The following CDH23 variants were observed in gnomAD, a reference collection of about 807,000 sequenced individuals.
The protein encoded by CDH23 is cadherin-23.
CDH23 carries 189 observed loss-of-function variants against 317.1 expected under a neutral mutation model. The ratio of observed to expected loss-of-function variants is 0.60; its 90% CI spans 0.53 to 0.67. The LOEUF is 0.67. Ranked by LOEUF, CDH23 falls within the 30% of genes least tolerant of loss-of-function variation. The pLI is 0.00. For synonymous variants in CDH23, 1,839 were observed against 1,876.8 expected, an observed-to-expected ratio of 0.98 and a Z score of 0.52; for missense variants, 4,401 against 4,592.4, an observed-to-expected ratio of 0.96 and a Z score of 1.20.
At chr10:71,516,778 G>C (rs1854355445) in intron 6 of CDH23, among the ~76,000 whole-genome samples, 1 of 152,184 alleles carries the variant, frequency 6.6e-6, no homozygotes, top group African/African-American at 2.4e-5. Flanking sequence ...GGCAGGCCTG[G>C]GGTGGCACGA....
intron 69 of CDH23, 25 bp from the exon 70 acceptor site, chr10:71,814,927 A>G (rs761202858): frequency 6.3e-7 from 1 of 1,588,920 alleles, no homozygotes; most frequent in Admixed American, 1.7e-5. Flanking sequence ...GGCCCTGAGC[A>G]TGTGGGGGTC....
At chr10:71,617,611 C>A in intron 11 of CDH23, 1 of 1,208,218 alleles carries the variant, frequency 8.3e-7, no homozygotes, top group Non-Finnish European at 1.1e-6. Flanking sequence ...GCACATGTTT[C>A]CATATGTGTG....
At chr10:71,677,407 T>G (rs1449055461) in intron 15 of CDH23, 49 bp from the exon 16 acceptor site, 1 of 1,472,742 alleles carries the variant, frequency 6.8e-7, no homozygotes, top group Non-Finnish European at 9.2e-7. Context: ...TCAACAAGCC[T>G]GTTTTAAACC....
intron 47 of CDH23, 136 bp from the exon 48 acceptor site, chr10:71,793,046 G>C (rs1461102771): frequency 3.4e-6 from 2 of 583,132 alleles, no homozygotes; most frequent in East Asian, 5.7e-5. Context: ...TTGCAAGTAT[G>C]AAAAAGGTAT....
At position 71,702,035 on chromosome 10, in the gene CDH23, A is replaced by G; in HGVS notation, c.2411A>G (p.Asp804Gly). The G allele has an allele frequency of 1.9e-6, 3 of 1,613,512 alleles. No homozygotes were observed. The highest frequency in any genetic ancestry group is 2.5e-6 in the Non-Finnish European group (3 of 1,179,840). ...CCTCCCGGGCAGGTGGTGGCTGTTG[A>G]CCCAGACCTGGGGGAGAATGGCACC... ...DSDVTTVVAVDPDLGENGTLV... is the reference protein window; with the variant it reads ...DSDVTTVVAVGPDLGENGTLV... The change falls in exon 23 of 70, where the codon GAC becomes GGC. Residue 804 changes from aspartate to glycine, a missense_variant. Coordinates refer to ENST00000224721, the MANE Select transcript of CDH23 (RefSeq NM_022124.6).
chr10:71,487,006 G>A (rs1191070074), intron 3 of CDH23, among the ~76,000 whole-genome samples: 3 of 152,068 alleles, frequency 2.0e-5, no homozygotes, highest in Admixed American at 1.3e-4. Flanking sequence ...CACAACCCTG[G>A]GCCAGGCATA....
Position 71,809,815 on chromosome 10 carries a change from T to G in CDH23, c.8723-5T>G. On this transcript the variant is annotated splice_polypyrimidine_tract_variant and splice_region_variant and intron_variant, in intron 60 of 69. Coordinates refer to ENST00000224721, the MANE Select transcript of CDH23 (RefSeq NM_022124.6). The stretch of plus-strand genomic sequence containing the variant: ...AGCCGTACCCCGCCTTTGGGCTTCC[T>G]GCAGGGAGCATGGACGGCATTCTGC... The G allele has an allele frequency of 6.2e-7, 1 of 1,609,592 alleles. No individual in the cohort carries two copies. Among genetic ancestry groups the G allele is most frequent in the Non-Finnish European group, 8.5e-7 (1 of 1,177,268 alleles).
chr10:71,441,267 G>A (rs745702324), intron 2 of CDH23, among the ~76,000 whole-genome samples: 1 of 152,078 alleles, frequency 6.6e-6, no homozygotes, highest in Non-Finnish European at 1.5e-5. Flanking sequence ...TGCCTCATGT[G>A]GGAGGCTTCA....
At chr10:71,681,564 G>A (rs992951186) in intron 17 of CDH23, among the ~76,000 whole-genome samples, 2 of 152,172 alleles carry the variant, frequency 1.3e-5, no homozygotes, top group East Asian at 1.9e-4. Flanking sequence ...TCCCCATGGG[G>A]TCTAAACAGT....
intron 3 of CDH23, among the ~76,000 whole-genome samples, chr10:71,482,126 G>A (rs373455344): frequency 7.9e-5 from 12 of 152,254 alleles, no homozygotes; most frequent in Admixed American, 2.0e-4. Flanking sequence ...TGACCATAGC[G>A]GGCTTCCAGG....
intron 6 of CDH23, among the ~76,000 whole-genome samples, chr10:71,536,369 G>A (rs1346425285): frequency 2.6e-5 from 4 of 152,220 alleles, no homozygotes; most frequent in Non-Finnish European, 5.9e-5. Flanking sequence ...GTTCAATGGA[G>A]CCAGAGAAGG....
chr10:71,803,362 A>G lies in CDH23; in HGVS notation c.7814A>G (p.Asn2605Ser), dbSNP rs780917129. Residue 2605 changes from asparagine to serine, a missense_variant, in exon 55 of 70, where the codon AAT becomes AGT. Physicochemically the swap from Asn to Ser is conservative, Grantham distance 46. This residue lies in a region of CDH23 where 1,144 missense variants were observed against 1,138.2 expected (regional missense o/e 1.01). Transcript: ENST00000224721. ...CTCCTGGTGGAGGTCATCGACGTCA[A>G]TGACAACCGCCCTGTCTTTGTGCGC... ...TMLLVEVIDVNDNRPVFVRPP... is the reference protein window; with the variant it reads ...TMLLVEVIDVSDNRPVFVRPP... 1.3e-5 allele frequency: 21 copies of G among 1,600,552 alleles called. No individual in the cohort carries two copies. In the South Asian group the frequency reaches 1.7e-4, roughly 13 times the overall value.
chr10:71,756,586 G>A (rs967515628), intron 38 of CDH23, among the ~76,000 whole-genome samples: 3 of 152,204 alleles, frequency 2.0e-5, no homozygotes, highest in African/African-American at 7.2e-5. Flanking sequence ...CTCCAAAAAG[G>A]TGTACACGAA....
intron 14 of CDH23, among the ~76,000 whole-genome samples, chr10:71,651,962 TGGC>T (rs1440069424): frequency 2.6e-5 from 4 of 152,198 alleles, no homozygotes; most frequent in Admixed American, 2.0e-4. Context: ...GCAGCCCCCC[TGGC>T]GCAGGGCTTA....
At chr10:71,581,022 C>A (rs554256233) in intron 9 of CDH23, among the ~76,000 whole-genome samples, 1 of 152,150 alleles carries the variant, frequency 6.6e-6, no homozygotes, top group Non-Finnish European at 1.5e-5. Flanking sequence ...CCAGTGTAGA[C>A]GTGGCTGAAA....
chr10:71,646,592 T>C lies in CDH23; in HGVS notation c.1424T>C (p.Val475Ala), dbSNP rs571468939. 3 of 1,613,978 alleles carry C rather than the reference T, an allele frequency of 1.9e-6. No individual in the cohort carries two copies. The African/African-American group carries it at 4.0e-5, about 22-fold the overall frequency. Residue 475 changes from valine to alanine, a missense_variant, in exon 14 of 70, where the codon GTG becomes GCG. Val to Ala is a moderately conservative substitution (Grantham distance 64). Transcript: ENST00000224721. ...YNISLYENVT[V>A]GTSVLTVLAT... The stretch of plus-strand genomic sequence containing the variant: ...ATCAGCCTGTACGAGAACGTCACCG[T>C]GGGGACCTCTGTGCTGACAGTCCTG...
At chr10:71,684,825 G>A (rs1864808087) in intron 18 of CDH23, among the ~76,000 whole-genome samples, 1 of 152,206 alleles carries the variant, frequency 6.6e-6, no homozygotes, top group Non-Finnish European at 1.5e-5. Context: ...GAGGTCTAGG[G>A]AAATAAGTTA....
chr10:71,811,640 AT>A (rs1296264080), intron 64 of CDH23, 50 bp downstream of exon 64: 1 of 1,613,716 alleles, frequency 6.2e-7, no homozygotes, highest in Non-Finnish European at 8.5e-7. Context: ...CTGCTCCCGG[AT>A]GGCCACGAGG....
At chr10:71,510,913 A>C in intron 4 of CDH23, 41 bp from the exon 5 acceptor site, 23 of 1,609,276 alleles carry the variant, frequency 1.4e-5, no homozygotes, top group African/African-American at 2.7e-5. Context: ...GGACCTCAGC[A>C]CCGCCTAACT....
Sources: gnomAD v4.1 joint callset for allele counts (sites outside exome capture counted in the v4.1 genomes callset) on GRCh38, gnomAD v4.1.1 for gene constraint, gnomAD v4.1.1 regional missense constraint, MANE v1.5 for transcripts, NCBI Gene and HGNC (gene_info 2026-07-23, HGNC 2026-07-21) for gene names.